Variants in ARHGEF3 observed in about 807,000 individuals in gnomAD.
ARHGEF3 encodes 59.8 kDA protein.
Under a neutral mutation model 63.2 loss-of-function variants are expected in ARHGEF3, and 28 were observed. That is an observed-to-expected ratio of 0.44 (90% CI 0.33 to 0.61). ARHGEF3 has a LOEUF of 0.61. Among genes scored for constraint, ARHGEF3 ranks in the 20% least tolerant of loss-of-function variants. The pLI, the probability that ARHGEF3 is intolerant of heterozygous loss-of-function variation, is 0.03. For synonymous variants in ARHGEF3, 266 were observed against 254.2 expected, an observed-to-expected ratio of 1.05 and a Z score of -0.44; for missense variants, 533 against 659.3, an observed-to-expected ratio of 0.81 and a Z score of 2.10.
chr3:56,811,561 G>C (rs1169776961), intron 4 of ARHGEF3, among the ~76,000 whole-genome samples: 1 of 152,160 alleles, frequency 6.6e-6, no homozygotes, highest in African/African-American at 2.4e-5. Flanking sequence ...TATTAGACAC[G>C]CTTCACAAAG....
chr3:56,891,703 G>T (rs898336199), intron 3 of ARHGEF3, among the ~76,000 whole-genome samples: 13 of 152,032 alleles, frequency 8.6e-5, no homozygotes, highest in Non-Finnish European at 1.8e-4. Context: ...CCCTCCTAAG[G>T]TTACTGTGAA....
Position 56,737,296 on chromosome 3 carries a change from G to A in ARHGEF3, c.930C>T (p.Cys310=). The change falls in exon 8 of 10, where the codon TGC becomes TGT. Residue 310 remains cysteine, a synonymous_variant. Transcript: ENST00000296315. Reference sequence around the variant, plus strand: ...AAAGAAGCCGCTCTTTATAATAGCGGCATTCAGATTCACCAGTCTTGGTGT... The same window carrying A: ...AAAGAAGCCGCTCTTTATAATAGCGACATTCAGATTCACCAGTCTTGGTGT... ...EINTKTGESE[C]RYYKERLLYL... is the part of the protein sequence containing the mutation. 6.2e-7 allele frequency: 1 copy of A among 1,613,568 alleles called. No individual in the cohort carries two copies. The highest frequency in any genetic ancestry group is 1.3e-5 in the African/African-American group (1 of 75,036).
At chr3:56,894,013 C>A (rs879939813) in intron 3 of ARHGEF3, among the ~76,000 whole-genome samples, 4 of 152,036 alleles carry the variant, frequency 2.6e-5, no homozygotes, top group Non-Finnish European at 5.9e-5. Flanking sequence ...GCAGATACAG[C>A]CGGCTGACAA....
Position 57,033,847 on chromosome 3 carries a change from C to A in ARHGEF3, c.62+1241G>T, listed in dbSNP as rs111591285. On this transcript the variant is annotated intron_variant, in intron 2 of 12. Transcript: ENST00000338458. ...ATCACCTGAGGTCAAGAGTTCGAAA[C>A]CAGCCTGGCCAACATAGTGAAACTT... is the stretch of plus-strand genomic sequence containing the variant. Among the ~76,000 whole-genome samples, 3 of 152,100 alleles carry A rather than the reference C, an allele frequency of 2.0e-5. No individual in the cohort carries two copies. In the East Asian group the frequency reaches 5.8e-4, roughly 29 times the overall value.
intron 1 of ARHGEF3, among the ~76,000 whole-genome samples, chr3:56,798,343 T>C (rs2037471233): frequency 6.6e-6 from 1 of 152,194 alleles, no homozygotes; most frequent in Non-Finnish European, 1.5e-5. Context: ...ATATCTAAGA[T>C]GGTAAATTTT....
intron 1 of ARHGEF3, among the ~76,000 whole-genome samples, chr3:57,053,953 T>A (rs1031302084): frequency 3.9e-5 from 6 of 152,232 alleles, no homozygotes; most frequent in Non-Finnish European, 8.8e-5. Context: ...ATGGATAAAG[T>A]GGCTATGAAC....
chr3:57,072,170 G>A (rs1705944526), intron 1 of ARHGEF3, among the ~76,000 whole-genome samples: 1 of 152,116 alleles, frequency 6.6e-6, no homozygotes, highest in Non-Finnish European at 1.5e-5. Flanking sequence ...CACTGCTGGT[G>A]GGATTTTAAA....
At chr3:57,035,629 G>A (rs373129781) in intron 1 of ARHGEF3, among the ~76,000 whole-genome samples, 4 of 152,240 alleles carry the variant, frequency 2.6e-5, no homozygotes, top group African/African-American at 9.6e-5. Flanking sequence ...GATTACAGGC[G>A]TAAGCCACTG....
chr3:57,067,315 C>T (rs968644400), intron 1 of ARHGEF3, among the ~76,000 whole-genome samples: 13 of 151,528 alleles, frequency 8.6e-5, no homozygotes, highest in African/African-American at 2.7e-4. Flanking sequence ...ATTAGCCGGG[C>T]GTGGTGGCGG....
chr3:56,745,399 C>G lies in ARHGEF3; in HGVS notation c.676G>C (p.Asp226His), dbSNP rs1361626014. 1 of 1,613,760 alleles carries G rather than the reference C, an allele frequency of 6.2e-7. No homozygotes were observed. Among genetic ancestry groups the G allele is most frequent in the African/African-American group, 1.3e-5 (1 of 74,838 alleles). The stretch of plus-strand genomic sequence containing the variant: ...ACTCGGTGATCTTGCTTTTTGTGGT[C>G]CAGCAGAGCTTTGGCGGCTACTTGA... ...SNQVAAKALL[D>H]HKKQDHRVQD... The change falls in exon 7 of 10, where the codon GAC becomes CAC. Residue 226 changes from aspartate (D) to histidine (H), a missense_variant. By Grantham distance (81) the Asp-to-His change is moderately conservative. This residue lies in a region of ARHGEF3 where 107 missense variants were observed against 207.9 expected (regional missense o/e 0.51). Transcript: ENST00000296315.
intron 3 of ARHGEF3, among the ~76,000 whole-genome samples, chr3:56,935,317 A>G (rs1232946982): frequency 2.6e-5 from 4 of 152,180 alleles, no homozygotes; most frequent in Non-Finnish European, 4.4e-5. Flanking sequence ...AAACGCACCA[A>G]TCAGCGCCCT....
chr3:56,855,705 C>A (rs546998515), intron 4 of ARHGEF3, among the ~76,000 whole-genome samples: 1 of 151,354 alleles, frequency 6.6e-6, no homozygotes, highest in African/African-American at 2.4e-5. Context: ...GTACTCTGGG[C>A]TGCCTGTCTT....
chr3:56,767,308 C>T (rs1007537424), intron 2 of ARHGEF3, among the ~76,000 whole-genome samples: 3 of 150,090 alleles, frequency 2.0e-5, no homozygotes, highest in Non-Finnish European at 3.0e-5. Context: ...TGCGGCCGGG[C>T]GCGGTGGCTC....
intron 4 of ARHGEF3, among the ~76,000 whole-genome samples, chr3:56,821,438 T>C (rs2038490206): frequency 6.6e-6 from 1 of 152,214 alleles, no homozygotes; most frequent in Non-Finnish European, 1.5e-5. Context: ...TTTCTTGTTA[T>C]ATGCTGGTGA....
intron 8 of ARHGEF3, among the ~76,000 whole-genome samples, chr3:56,732,734 G>A (rs1257526528): frequency 2.6e-5 from 4 of 152,076 alleles, no homozygotes; most frequent in Non-Finnish European, 4.4e-5. Flanking sequence ...AACTTGTACA[G>A]ACATACCTGC....
rs112328990 is a variant in ARHGEF3, at chr3:57,000,947, AT to A, written c.62+34140del. ...TAACCTTCTGCAATTTTATTTTTTA[AT>A]TTTTTTTTAGAGACAGGGTCTTGCT... On this transcript the variant is annotated intron_variant, in intron 2 of 12. Transcript: ENST00000338458. Among the ~76,000 whole-genome samples the A allele has an allele frequency of 2.0e-5, 3 of 150,670 alleles. 1 individual carries two copies. Among genetic ancestry groups the A allele is most frequent in the African/African-American group, 7.3e-5 (3 of 40,976 alleles).
At chr3:56,788,746 C>T (rs1475266678) in intron 1 of ARHGEF3, among the ~76,000 whole-genome samples, 1 of 151,976 alleles carries the variant, frequency 6.6e-6, no homozygotes, top group Non-Finnish European at 1.5e-5. Context: ...GGCCAGGGTG[C>T]CTCTCTACCC....
chr3:56,924,892 A>G (rs928861035), intron 3 of ARHGEF3, among the ~76,000 whole-genome samples: 2 of 152,198 alleles, frequency 1.3e-5, no homozygotes, highest in Non-Finnish European at 1.5e-5. Context: ...GCTCCTATTC[A>G]AGATGGAGTT....
chr3:56,967,582 T>A (rs796908906), intron 2 of ARHGEF3, among the ~76,000 whole-genome samples: 1 of 86,512 alleles, frequency 1.2e-5, no homozygotes, highest in Non-Finnish European at 2.0e-5. Flanking sequence ...ATATTATACA[T>A]AATATATTTA....
Sources: gnomAD v4.1 joint callset for allele counts (sites outside exome capture counted in the v4.1 genomes callset) on GRCh38, gnomAD v4.1.1 for gene constraint, gnomAD v4.1.1 regional missense constraint, MANE v1.5 for transcripts, NCBI Gene and HGNC (gene_info 2026-07-23, HGNC 2026-07-21) for gene names.